Variants in P2RY8 observed in about 807,000 individuals in gnomAD.
P2RY8 encodes the protein S-geranylgeranyl-glutathione receptor P2RY8.
A neutral mutation model predicts 10.0 loss-of-function variants in P2RY8; 6 were observed. The observed-to-expected ratio is 0.60, with a 90% CI of 0.33 to 1.19. P2RY8 has a LOEUF of 1.19. P2RY8 is among the 50% of genes most tolerant of loss of function. The probability of loss-of-function intolerance (pLI) is 0.04; values close to 1 mark genes in which losing one functional copy is unlikely to be tolerated. For synonymous variants in P2RY8, 276 were observed against 252.5 expected (o/e 1.09, Z -0.88); for missense variants, 456 against 542.0 (o/e 0.84, Z 1.58).
chrX:1,489,075 C>G (rs1394724810), intron 1 of P2RY8, among the ~76,000 whole-genome samples: 1 of 149,660 alleles, frequency 6.7e-6, no homozygotes, highest in Non-Finnish European at 1.5e-5. Context: ...CACAAATGTG[C>G]AGGGAAAGAA....
intron 1 of P2RY8, among the ~76,000 whole-genome samples, chrX:1,505,398 C>T (rs771633925): frequency 4.6e-5 from 7 of 152,260 alleles, no homozygotes; most frequent in African/African-American, 1.2e-4. Context: ...TGAGTTTCCT[C>T]GTGGCCAGCA....
intron 1 of P2RY8, among the ~76,000 whole-genome samples, chrX:1,470,108 C>T (rs2091765223): frequency 6.6e-6 from 1 of 152,180 alleles, no homozygotes; most frequent in African/African-American, 2.4e-5. Context: ...CCTGTAATTC[C>T]AGCACTTTGG....
At chrX:1,533,388 T>C (rs1253175738) in intron 1 of P2RY8, among the ~76,000 whole-genome samples, 3 of 146,644 alleles carry the variant, frequency 2.0e-5, no homozygotes, top group Non-Finnish European at 3.0e-5. Context: ...TATTTAAACA[T>C]ATATTTATGT....
chrX:1,499,232 G>A (rs756638612), intron 1 of P2RY8, among the ~76,000 whole-genome samples: 22 of 144,276 alleles, frequency 1.5e-4, no homozygotes, highest in Non-Finnish European at 2.2e-4. Context: ...GCACGATCTC[G>A]GTTCAGTGAA....
intron 1 of P2RY8, among the ~76,000 whole-genome samples, chrX:1,520,538 T>C (rs1390804470): frequency 6.6e-6 from 1 of 150,540 alleles, no homozygotes; most frequent in Non-Finnish European, 1.5e-5. Flanking sequence ...TGATCCCCAA[T>C]AATCTCTCTG....
chrX:1,501,334 G>T (rs1275985371), intron 1 of P2RY8, among the ~76,000 whole-genome samples: 7 of 152,112 alleles, frequency 4.6e-5, no homozygotes, highest in Non-Finnish European at 1.0e-4. Flanking sequence ...ACTTTCTGAT[G>T]CGTTTTCATT....
chrX:1,509,002 T>TCATCCATCCATCCATCCATCCATCCATC (rs776849927), intron 1 of P2RY8, among the ~76,000 whole-genome samples: 2 of 116,612 alleles, frequency 1.7e-5, no homozygotes, highest in South Asian at 5.6e-4. Context: ...CTGTATGTGT[T>TCATCCATCCATCCATCCATCCATCCATC]CATCCATCCA....
chrX:1,474,728 G>C (rs2091855586), intron 1 of P2RY8, among the ~76,000 whole-genome samples: 1 of 146,578 alleles, frequency 6.8e-6, no homozygotes, highest in African/African-American at 2.5e-5. Context: ...AATGGATGAG[G>C]ATGGGTAGAT....
Position 1,529,127 on chromosome X carries a change from G to A in P2RY8, c.-25+7794C>T, listed in dbSNP as rs748225224. Among the ~76,000 whole-genome samples, 3 of 152,266 alleles carry A rather than the reference G, an allele frequency of 2.0e-5. No homozygotes were observed. The South Asian group carries it at 6.2e-4, about 32-fold the overall frequency. On this transcript the variant is annotated intron_variant, in intron 1 of 1. Transcript: ENST00000381297. ...ACAGCGGGGCCCTTGGTCTTGGAAA[G>A]GTGGAGAATAAATCCTCCATTTCCC...
Position 1,464,846 on chromosome X carries a change from C to G in P2RY8, c.*633G>C, listed in dbSNP as rs1209224455. On this transcript the variant is annotated 3_prime_UTR_variant, in exon 2 of 2. Transcript: ENST00000381297. ...AGCTGACTTGCAGGAGCCCCAGGCG[C>G]TCCTCTGAAAGAAGAATTCCAACCA... The G allele has an allele frequency of 4.3e-6, 1 of 233,520 alleles. No individual in the cohort carries two copies. Among genetic ancestry groups the G allele is most frequent in the Non-Finnish European group, 8.4e-6 (1 of 118,362 alleles). The allele number at this position is 233,520 out of a possible 1,614,324, so 14.5% of individuals were successfully genotyped here.
rs1339583970 is a variant in P2RY8 at position 1,527,649 on chromosome X, A to G, written c.-25+9272T>C. Among the ~76,000 whole-genome samples the G allele has an allele frequency of 2.0e-5, 3 of 148,246 alleles. No homozygotes were observed. The East Asian group carries it at 6.2e-4, about 30-fold the overall frequency. Reference sequence around the variant, plus strand: ...ATCTACTCATTCATTCATCCATCCAATCATCCCTTCATTCATTCATTCATC... The same window carrying G: ...ATCTACTCATTCATTCATCCATCCAGTCATCCCTTCATTCATTCATTCATC... On this transcript the variant is annotated intron_variant, in intron 1 of 1. Coordinates refer to ENST00000381297, the MANE Select transcript of P2RY8 (RefSeq NM_178129.5).
chrX:1,525,852 C>T (rs745350740), intron 1 of P2RY8, among the ~76,000 whole-genome samples: 37 of 151,126 alleles, frequency 2.4e-4, no homozygotes, highest in African/African-American at 8.3e-4. Flanking sequence ...CATTCATTCA[C>T]TCATTCATCT....
At chrX:1,507,096 G>C (rs775438901) in intron 1 of P2RY8, among the ~76,000 whole-genome samples, 2 of 82,898 alleles carry the variant, frequency 2.4e-5, no homozygotes, top group Admixed American at 2.4e-4. Flanking sequence ...AAGGTATCAG[G>C]TCCCTGTTTG....
At chrX:1,490,468 G>A (rs1187905867) in intron 1 of P2RY8, among the ~76,000 whole-genome samples, 2 of 141,974 alleles carry the variant, frequency 1.4e-5, no homozygotes, top group South Asian at 2.3e-4. Flanking sequence ...GATATTCCCT[G>A]CAAATGTGGG....
rs1331905374 is a variant in P2RY8, at chrX:1,463,782, C to T, written c.*1697G>A. ...GGCATCCCTGGGCTTGGGGCAGCAT[C>T]ACTTCAGTCTCTGCCTCTGTCTTTA... On this transcript the variant is annotated 3_prime_UTR_variant, in exon 2 of 2. Transcript: ENST00000381297. 1 of 232,950 alleles carries T rather than the reference C, an allele frequency of 4.3e-6. No individual in the cohort carries two copies. The highest frequency in any genetic ancestry group is 8.5e-6 in the Non-Finnish European group (1 of 118,016). The allele number at this position is 232,950 out of a possible 1,614,324, so 14.4% of individuals were successfully genotyped here.
intron 1 of P2RY8, among the ~76,000 whole-genome samples, chrX:1,490,157 C>A (rs2149390295): frequency 6.9e-6 from 1 of 145,116 alleles, no homozygotes; most frequent in African/African-American, 2.6e-5. Flanking sequence ...CCCAGATATT[C>A]CCCACAAATG....
At chrX:1,483,623 A>C (rs1473951133) in intron 1 of P2RY8, among the ~76,000 whole-genome samples, 1 of 151,936 alleles carries the variant, frequency 6.6e-6, no homozygotes, top group East Asian at 1.9e-4. Flanking sequence ...AACAAGAACA[A>C]AACTTTGTCT....
At chrX:1,483,054 T>G (rs2091953924) in intron 1 of P2RY8, among the ~76,000 whole-genome samples, 1 of 151,966 alleles carries the variant, frequency 6.6e-6, no homozygotes, top group Non-Finnish European at 1.5e-5. Context: ...GTAACAAACC[T>G]GCACGTTGTG....
At chrX:1,524,491 A>T (rs2092418090) in intron 1 of P2RY8, among the ~76,000 whole-genome samples, 2 of 144,130 alleles carry the variant, frequency 1.4e-5, no homozygotes, top group African/African-American at 5.4e-5. Context: ...TCATCCATCC[A>T]TACATCCACG....
Sources: allele counts gnomAD v4.1 joint callset (sites outside exome capture counted in the v4.1 genomes callset), GRCh38; gene constraint gnomAD v4.1.1; transcripts MANE v1.5; gene names NCBI Gene and HGNC (gene_info 2026-07-23, HGNC 2026-07-21).